Variants in CDH18 observed in about 807,000 individuals in gnomAD.
CDH18 encodes cadherin-18.
CDH18 carries 31 observed loss-of-function variants against 67.9 expected under a neutral mutation model. The observed-to-expected ratio is 0.46, with a 90% CI of 0.34 to 0.62. CDH18 has a LOEUF of 0.62. Among genes scored for constraint, CDH18 ranks in the 20% least tolerant of loss-of-function variants. CDH18 has a pLI of 0.01. For synonymous variants in CDH18, 362 were observed against 347.2 expected, an observed-to-expected ratio of 1.04 and a Z score of -0.48; for missense variants, 890 against 975.5, an observed-to-expected ratio of 0.91 and a Z score of 1.17.
At chr5:19,606,648 T>A (rs1043080517) in intron 6 of CDH18, among the ~76,000 whole-genome samples, 1 of 151,962 alleles carries the variant, frequency 6.6e-6, no homozygotes, top group African/African-American at 2.4e-5. Context: ...TAGAAGACTG[T>A]AGAATAATAA....
At chr5:19,653,546 T>C (rs542637679) in intron 5 of CDH18, among the ~76,000 whole-genome samples, 2 of 152,232 alleles carry the variant, frequency 1.3e-5, no homozygotes, top group African/African-American at 2.4e-5. Context: ...GTCCAGCCCA[T>C]TGGTGGCACC....
intron 5 of CDH18, among the ~76,000 whole-genome samples, chr5:19,703,262 A>C (rs1426888810): frequency 1.3e-5 from 2 of 152,114 alleles, no homozygotes; most frequent in Admixed American, 6.6e-5. Context: ...GAGAACATGG[A>C]ACTAAGCTGG....
chr5:20,310,793 C>A (rs956230300), intron 1 of CDH18, among the ~76,000 whole-genome samples: 2 of 152,140 alleles, frequency 1.3e-5, no homozygotes, highest in Non-Finnish European at 2.9e-5. Context: ...CCACATTGTT[C>A]TTTCTTCTTT....
At chr5:20,414,132 G>A (rs1747062919) in intron 1 of CDH18, among the ~76,000 whole-genome samples, 1 of 152,144 alleles carries the variant, frequency 6.6e-6, no homozygotes, top group Admixed American at 6.5e-5. Flanking sequence ...AAAGCAGTTT[G>A]GAAATTTCTT....
At chr5:20,431,431 C>A (rs1280960106) in intron 1 of CDH18, among the ~76,000 whole-genome samples, 1 of 145,170 alleles carries the variant, frequency 6.9e-6, no homozygotes, top group Admixed American at 7.1e-5. Flanking sequence ...AAGGTGGAGG[C>A]TGCAGTGAAC....
At chr5:19,674,163 A>G (rs903467196) in intron 5 of CDH18, among the ~76,000 whole-genome samples, 6 of 152,134 alleles carry the variant, frequency 3.9e-5, no homozygotes, top group Admixed American at 2.6e-4. Flanking sequence ...ACCAAACTTA[A>G]TGGATAAAAA....
At chr5:19,827,677 T>C (rs1468115944) in intron 3 of CDH18, among the ~76,000 whole-genome samples, 1 of 152,118 alleles carries the variant, frequency 6.6e-6, no homozygotes, top group Admixed American at 6.6e-5. Flanking sequence ...AATCAAGAAA[T>C]TGTTTGATAT....
chr5:20,057,131 T>C (rs890262355), intron 2 of CDH18, among the ~76,000 whole-genome samples: 5 of 152,156 alleles, frequency 3.3e-5, no homozygotes, highest in African/African-American at 1.2e-4. Flanking sequence ...AATAGCTCTA[T>C]TCCCAGTGTT....
chr5:20,194,759 A>T (rs754486245), intron 2 of CDH18, among the ~76,000 whole-genome samples: 53 of 152,074 alleles, frequency 3.5e-4, no homozygotes, highest in Non-Finnish European at 6.2e-4. Flanking sequence ...GAGTTGATTC[A>T]GCTGATCTGG....
intron 1 of CDH18, among the ~76,000 whole-genome samples, chr5:20,352,263 T>G (rs892265551): frequency 6.6e-6 from 1 of 152,196 alleles, no homozygotes; most frequent in African/African-American, 2.4e-5. Context: ...TCCATGATGA[T>G]GACTTCCACT....
intron 2 of CDH18, among the ~76,000 whole-genome samples, chr5:19,945,054 T>G (rs1379874325): frequency 6.6e-6 from 1 of 152,120 alleles, no homozygotes. Context: ...CTGCTCCACA[T>G]TCATGGTGGT....
chr5:19,914,332 C>T (rs892801148), intron 2 of CDH18, among the ~76,000 whole-genome samples: 2 of 152,054 alleles, frequency 1.3e-5, no homozygotes, highest in Non-Finnish European at 2.9e-5. Flanking sequence ...AAGTTATATA[C>T]TCTCCCCAGA....
chr5:20,474,641 A>G (rs1752312625), intron 1 of CDH18, among the ~76,000 whole-genome samples: 1 of 152,242 alleles, frequency 6.6e-6, no homozygotes, highest in Non-Finnish European at 1.5e-5. Flanking sequence ...GAATGTCTAA[A>G]AAGAAATAGT....
intron 7 of CDH18, among the ~76,000 whole-genome samples, chr5:19,575,047 C>A (rs1278020062): frequency 1.3e-5 from 2 of 151,942 alleles, no homozygotes; most frequent in African/African-American, 2.4e-5. Flanking sequence ...CAAAACAAAA[C>A]AAAACAAAAA....
rs200662023 is a variant in CDH18 at position 19,490,003 on chromosome 5, GA to G, written c.1631-6452del. Among the ~76,000 whole-genome samples the G allele has an allele frequency of 7.5e-3, 1,141 of 151,904 alleles. 18 individuals carry two copies. The highest frequency in any genetic ancestry group is 0.021 in the African/African-American group (881 of 41,426). On this transcript the variant is annotated intron_variant, in intron 11 of 12. Transcript: ENST00000382275. ...AGCTGTTTTTTTAAAACAAATATAG[GA>G]GTCTGAACTCCAAGAGAAAACTTCT...
At chr5:20,300,127 G>T (rs1747850373) in intron 1 of CDH18, among the ~76,000 whole-genome samples, 1 of 152,102 alleles carries the variant, frequency 6.6e-6, no homozygotes, top group Non-Finnish European at 1.5e-5. Flanking sequence ...AAAATATCCT[G>T]TAATCTTTCC....
intron 2 of CDH18, among the ~76,000 whole-genome samples, chr5:20,092,968 G>A (rs1344459616): frequency 1.3e-5 from 2 of 151,866 alleles, no homozygotes; most frequent in African/African-American, 4.8e-5. Flanking sequence ...TTTCAAATTT[G>A]CTTTCTTGAC....
At chr5:19,683,091 T>G (rs1701679297) in intron 5 of CDH18, among the ~76,000 whole-genome samples, 1 of 115,090 alleles carries the variant, frequency 8.7e-6, no homozygotes, top group South Asian at 3.1e-4. Flanking sequence ...ATGTTCAAAG[T>G]TCAACATATA....
chr5:19,723,439 C>T (rs1449437559), intron 4 of CDH18, among the ~76,000 whole-genome samples: 1 of 151,986 alleles, frequency 6.6e-6, no homozygotes, highest in Non-Finnish European at 1.5e-5. Flanking sequence ...GGATTCTGGC[C>T]CCTAAATAGT....
Sources: gnomAD v4.1 joint callset for allele counts (sites outside exome capture counted in the v4.1 genomes callset) on GRCh38, gnomAD v4.1.1 for gene constraint, MANE v1.5 for transcripts, NCBI Gene and HGNC (gene_info 2026-07-23, HGNC 2026-07-21) for gene names.